Variants in CNTNAP2 observed in about 807,000 individuals in gnomAD.
The protein encoded by CNTNAP2 is contactin associated protein 2, also known as contactin-associated protein-like 2.
A neutral mutation model predicts 155.2 loss-of-function variants in CNTNAP2; 98 were observed. That is an observed-to-expected ratio of 0.63 (90% CI 0.54 to 0.75). The LOEUF (loss-of-function observed/expected upper bound fraction) is 0.75. Among genes scored for constraint, CNTNAP2 ranks in the 30% least tolerant of loss-of-function variants. The pLI, the probability that CNTNAP2 is intolerant of heterozygous loss-of-function variation, is 0.00. For synonymous variants in CNTNAP2, 651 were observed against 631.2 expected, an observed-to-expected ratio of 1.03 and a Z score of -0.47; for missense variants, 1,727 against 1,688.1, an observed-to-expected ratio of 1.02 and a Z score of -0.40.
intron 1 of CNTNAP2, among the ~76,000 whole-genome samples, chr7:146,365,940 C>T (rs962254267): frequency 5.9e-5 from 9 of 152,126 alleles, no homozygotes; most frequent in Non-Finnish European, 1.2e-4. Context: ...TGGAAGAATT[C>T]TTATGGTCTA....
chr7:148,178,506 A>G (rs1293445062), intron 18 of CNTNAP2, among the ~76,000 whole-genome samples: 1 of 152,186 alleles, frequency 6.6e-6, no homozygotes, highest in African/African-American at 2.4e-5. Context: ...TATTCTCCCT[A>G]TGAGTATTGT....
chr7:147,655,323 G>A (rs773399476), intron 13 of CNTNAP2, among the ~76,000 whole-genome samples: 14 of 150,262 alleles, frequency 9.3e-5, no homozygotes, highest in South Asian at 2.1e-4. Context: ...GGGTTTTATC[G>A]TGTTTGCCAT....
intron 15 of CNTNAP2, among the ~76,000 whole-genome samples, chr7:148,079,336 G>A (rs1236595377): frequency 1.3e-5 from 2 of 152,196 alleles, no homozygotes; most frequent in Non-Finnish European, 2.9e-5. Context: ...CAGGTCATAG[G>A]CAGATTCTCA....
At chr7:147,233,219 T>C (rs1459293732) in intron 8 of CNTNAP2, among the ~76,000 whole-genome samples, 3 of 152,204 alleles carry the variant, frequency 2.0e-5, no homozygotes, top group Non-Finnish European at 4.4e-5. Flanking sequence ...ATGACTGTTT[T>C]AGCAGGGTTA....
intron 15 of CNTNAP2, among the ~76,000 whole-genome samples, chr7:147,981,615 C>T (rs1207676411): frequency 6.6e-6 from 1 of 152,154 alleles, no homozygotes; most frequent in Non-Finnish European, 1.5e-5. Flanking sequence ...TGGGCTCTGC[C>T]CAACCATTTC....
At chr7:147,146,884 A>C (rs572554443) in intron 8 of CNTNAP2, 1 of 152,356 alleles carries the variant, frequency 6.6e-6, no homozygotes, top group South Asian at 2.1e-4. Context: ...TTTCTAAAAA[A>C]TAAATTTTCT....
chr7:146,987,951 C>CTTG (rs1331437365), intron 3 of CNTNAP2, among the ~76,000 whole-genome samples: 2 of 152,054 alleles, frequency 1.3e-5, no homozygotes, highest in Non-Finnish European at 2.9e-5. Context: ...AGTATAATGA[C>CTTG]AGGTACATAA....
At chr7:148,323,035 A>T (rs1430694078) in intron 21 of CNTNAP2, among the ~76,000 whole-genome samples, 1 of 151,946 alleles carries the variant, frequency 6.6e-6, no homozygotes, top group South Asian at 2.1e-4. Context: ...AATAATAAAT[A>T]CATCACTATT....
chr7:148,318,093 T>C, intron 21 of CNTNAP2, among the ~76,000 whole-genome samples: 1 of 152,204 alleles, frequency 6.6e-6, no homozygotes, highest in East Asian at 1.9e-4. Flanking sequence ...CTTCTCCTTT[T>C]GGAATGCTTT....
chr7:148,198,384 C>T (rs1487268620), intron 18 of CNTNAP2, among the ~76,000 whole-genome samples: 2 of 152,314 alleles, frequency 1.3e-5, no homozygotes, highest in Admixed American at 1.3e-4. Context: ...CAATCTTTAA[C>T]TCATCGAGTA....
At chr7:148,396,309 C>A (rs1333941833) in intron 22 of CNTNAP2, among the ~76,000 whole-genome samples, 1 of 152,142 alleles carries the variant, frequency 6.6e-6, no homozygotes, top group African/African-American at 2.4e-5. Context: ...TTACCCCCAG[C>A]GATCCCCCAT....
chr7:148,349,263 G>T (rs1798375863), intron 21 of CNTNAP2, among the ~76,000 whole-genome samples: 1 of 152,116 alleles, frequency 6.6e-6, no homozygotes, highest in African/African-American at 2.4e-5. Context: ...AAAGACAGGG[G>T]GTTCCAGTTA....
intron 1 of CNTNAP2, among the ~76,000 whole-genome samples, chr7:146,415,176 G>A (rs1279021441): frequency 3.3e-5 from 5 of 152,016 alleles, no homozygotes; most frequent in African/African-American, 4.8e-5. Flanking sequence ...GAAAGTAACT[G>A]CCATGGTGAG....
intron 20 of CNTNAP2, among the ~76,000 whole-genome samples, chr7:148,258,783 C>A (rs1796502232): frequency 6.6e-6 from 1 of 151,786 alleles, no homozygotes; most frequent in Non-Finnish European, 1.5e-5. Context: ...ACAATCCCAG[C>A]ATGTTGGGAG....
At chr7:146,913,419 T>G (rs1417211789) in intron 3 of CNTNAP2, among the ~76,000 whole-genome samples, 1 of 151,828 alleles carries the variant, frequency 6.6e-6, no homozygotes, top group Non-Finnish European at 1.5e-5. Flanking sequence ...AGAAAGTGAG[T>G]TTGTTATTTC....
rs138090702 is a variant in CNTNAP2, at chr7:147,634,957, G to T, written c.1898-4149G>T. Among the ~76,000 whole-genome samples the T allele has an allele frequency of 1.8e-3, 267 of 152,024 alleles. 1 individual carries two copies. Among genetic ancestry groups the T allele is most frequent in the Non-Finnish European group, 3.5e-3 (240 of 67,998 alleles). ...ACTCTTTGTATACCTGAATGATGCC[G>T]GGAAAATTCCAGAATTAGAACATTT... On this transcript the variant is annotated intron_variant, in intron 12 of 23. Transcript: ENST00000361727.
intron 1 of CNTNAP2, among the ~76,000 whole-genome samples, chr7:146,178,523 T>C (rs1470533291): frequency 6.6e-6 from 1 of 152,184 alleles, no homozygotes; most frequent in African/African-American, 2.4e-5. Flanking sequence ...TTTGGGCATG[T>C]TTGATTAGTA....
At chr7:146,158,572 C>T (rs533738910) in intron 1 of CNTNAP2, among the ~76,000 whole-genome samples, 11 of 152,172 alleles carry the variant, frequency 7.2e-5, no homozygotes, top group East Asian at 3.9e-4. Flanking sequence ...CTGAAAACCA[C>T]GGCATGAGAA....
chr7:146,589,609 G>A (rs951770445), intron 1 of CNTNAP2, among the ~76,000 whole-genome samples: 3 of 151,594 alleles, frequency 2.0e-5, no homozygotes, highest in African/African-American at 7.3e-5. Context: ...GGGTTTGGGG[G>A]ATAGGGGAGG....
Sources: allele counts gnomAD v4.1 joint callset (sites outside exome capture counted in the v4.1 genomes callset), GRCh38; gene constraint gnomAD v4.1.1; transcripts MANE v1.5; gene names NCBI Gene and HGNC (gene_info 2026-07-23, HGNC 2026-07-21).